The following ATXN2 variants were observed in gnomAD, a reference collection of about 807,000 sequenced individuals.
The protein encoded by ATXN2 is ataxin-2.
A neutral mutation model predicts 138.6 loss-of-function variants in ATXN2; 37 were observed. That is an observed-to-expected ratio of 0.27 (90% CI 0.21 to 0.35). The LOEUF is 0.35. Among genes scored for constraint, ATXN2 ranks in the 10% least tolerant of loss-of-function variants. The pLI, the probability that ATXN2 is intolerant of heterozygous loss-of-function variation, is 1.00. For missense variants in ATXN2, 1,216 were observed against 1,480.3 expected, an observed-to-expected ratio of 0.82 and a Z score of 2.93; for synonymous variants, 549 against 543.7, an observed-to-expected ratio of 1.01 and a Z score of -0.13.
At chr12:111,578,957 G>A (rs1323031087) in intron 1 of ATXN2, among the ~76,000 whole-genome samples, 1 of 152,132 alleles carries the variant, frequency 6.6e-6, no homozygotes, top group Admixed American at 6.6e-5. Flanking sequence ...AGGATCACTT[G>A]AGCCCAGGAG....
chr12:111,466,172 T>TA (rs11326711), intron 20 of ATXN2, among the ~76,000 whole-genome samples: 7 of 117,780 alleles, frequency 5.9e-5, no homozygotes, highest in East Asian at 2.1e-4. Flanking sequence ...TCTCAAAAAT[T>TA]AAAAAAAAAA....
At chr12:111,483,470 T>G in intron 18 of ATXN2, among the ~76,000 whole-genome samples, 1 of 145,820 alleles carries the variant, frequency 6.9e-6, no homozygotes, top group East Asian at 2.0e-4. Context: ...TTTTTTTTTT[T>G]TTTGGACGGA....
chr12:111,574,629 C>T (rs1327640076), intron 1 of ATXN2, among the ~76,000 whole-genome samples: 1 of 152,008 alleles, frequency 6.6e-6, no homozygotes, highest in Non-Finnish European at 1.5e-5. Flanking sequence ...CACTATGTTG[C>T]CTAGGCTGAT....
chr12:111,575,308 C>T (rs1883571980), intron 1 of ATXN2, among the ~76,000 whole-genome samples: 3 of 152,072 alleles, frequency 2.0e-5, no homozygotes, highest in Admixed American at 2.0e-4. Flanking sequence ...GCTTCAGCCT[C>T]GTAGTAGCTG....
chr12:111,520,206 A>C, intron 7 of ATXN2, 130 bp from the exon 8 acceptor site: 1 of 1,194,568 alleles, frequency 8.4e-7, no homozygotes, highest in Non-Finnish European at 1.1e-6. Context: ...ACTAAAACTA[A>C]AACTAAAAGT....
At position 111,470,098 on chromosome 12, in the gene ATXN2, T is replaced by G. The variant is rs1181199122; in HGVS notation, c.2842+10A>C. 5 of 1,611,832 alleles carry G rather than the reference T, an allele frequency of 3.1e-6. No homozygotes were observed. Among genetic ancestry groups the G allele is most frequent in the Non-Finnish European group, 4.2e-6 (5 of 1,178,862 alleles). On this transcript the variant is annotated intron_variant, in intron 20 of 24. Coordinates refer to ENST00000673436, the MANE Select transcript of ATXN2 (RefSeq NM_001372574.1). ...CACACACTGGAAGAGACAAACAAAG[T>G]GCTTCCTACCATACATCGCATGCGT...
chr12:111,565,306 T>A (rs1948779695), intron 1 of ATXN2, among the ~76,000 whole-genome samples: 1 of 152,178 alleles, frequency 6.6e-6, no homozygotes, highest in Admixed American at 6.5e-5. Context: ...GTCGGGCAAG[T>A]CCATTAGTGC....
At chr12:111,483,671 T>C (rs1488612890) in intron 18 of ATXN2, among the ~76,000 whole-genome samples, 1 of 151,940 alleles carries the variant, frequency 6.6e-6, no homozygotes, top group Non-Finnish European at 1.5e-5. Context: ...GATTTCCTTT[T>C]AAGAAAAATG....
chr12:111,559,978 T>C (rs1882594682), intron 1 of ATXN2, among the ~76,000 whole-genome samples: 1 of 152,110 alleles, frequency 6.6e-6, no homozygotes, highest in Non-Finnish European at 1.5e-5. Flanking sequence ...TGGAGATAAG[T>C]GCTAAATTGT....
Position 111,598,556 on chromosome 12 carries a change from G to A in ATXN2, c.251+228C>T, listed in dbSNP as rs1566090373. ...CCCTCCATCTTGACCGCCGGGGGAG[G>A]GGGCGGGGATGCTGCGGGAGGCTGG... is the stretch of plus-strand genomic sequence containing the variant. On this transcript the variant is annotated intron_variant, in intron 1 of 24. Coordinates refer to ENST00000673436, the MANE Select transcript of ATXN2 (RefSeq NM_001372574.1). This position sits in a 1 kb window ranked among gnomAD's most constrained non-coding sequence, Gnocchi z 4.5. 3 of 984,712 alleles carry A rather than the reference G, an allele frequency of 3.0e-6. No homozygotes were observed. Among genetic ancestry groups the A allele is most frequent in the Non-Finnish European group, 3.6e-6 (3 of 829,334 alleles). The allele number at this position is 984,712 out of a possible 1,614,324, so 61.0% of individuals were successfully genotyped here.
In ATXN2 at chr12:111,584,062, G is replaced by A. The variant is rs530538668; in HGVS notation, c.251+14722C>T. On this transcript the variant is annotated intron_variant, in intron 1 of 24. Coordinates refer to ENST00000673436, the MANE Select transcript of ATXN2 (RefSeq NM_001372574.1). The stretch of plus-strand genomic sequence containing the variant: ...CTGGCTCTAAAGCAGTAACTTTTTT[G>A]ACTATATCAATAAAAAATTACTTAA... 2.7e-5 allele frequency among the ~76,000 whole-genome samples: 4 copies of A among 150,342 alleles called. No homozygotes were observed. The South Asian group carries it at 6.3e-4, about 23-fold the overall frequency.
At chr12:111,565,160 C>T (rs1882924940) in intron 1 of ATXN2, among the ~76,000 whole-genome samples, 1 of 146,736 alleles carries the variant, frequency 6.8e-6, no homozygotes, top group African/African-American at 2.7e-5. Context: ...GTTGATCCAC[C>T]TACTGAAAAA....
At chr12:111,493,231 C>A (rs1449246791) in intron 14 of ATXN2, among the ~76,000 whole-genome samples, 1 of 151,930 alleles carries the variant, frequency 6.6e-6, no homozygotes, top group East Asian at 1.9e-4. Context: ...ACCAGCCTGG[C>A]AAATATGGCA....
rs1349381454 is a variant in ATXN2, at chr12:111,598,718, C to CGGCGCGG, written c.251+59_251+65dup. On this transcript the variant is annotated intron_variant, in intron 1 of 24. Coordinates refer to ENST00000673436, the MANE Select transcript of ATXN2 (RefSeq NM_001372574.1). This position sits in a 1 kb window ranked among gnomAD's most constrained non-coding sequence, Gnocchi z 4.5. ...CCGGCGGGTCACGGGGCGGGGACGGCGGCGCGGGCCGCGGGGGAGGGGACG... is the reference window on the plus strand; with the variant it reads ...CCGGCGGGTCACGGGGCGGGGACGGCGGCGCGGGGCGCGGGCCGCGGGGGAGGGGACG... 9.8e-6 allele frequency: 9 copies of CGGCGCGG among 918,776 alleles called. No homozygotes were observed. Among genetic ancestry groups the CGGCGCGG allele is most frequent in the African/African-American group, 1.8e-5 (1 of 55,188 alleles). 56.9% of individuals were successfully genotyped at this position (918,776 alleles called of 1,614,324 possible).
At chr12:111,530,107 T>C (rs980756066) in intron 5 of ATXN2, among the ~76,000 whole-genome samples, 9 of 152,220 alleles carry the variant, frequency 5.9e-5, no homozygotes, top group African/African-American at 2.2e-4. Context: ...TCATTATGTG[T>C]CATCGTTATA....
At chr12:111,487,069 G>A (rs1462877536) in intron 15 of ATXN2, among the ~76,000 whole-genome samples, 1 of 151,842 alleles carries the variant, frequency 6.6e-6, no homozygotes, top group South Asian at 2.1e-4. Context: ...CCTCTCAAAG[G>A]CAATCAAAAA....
intron 12 of ATXN2, 127 bp downstream of exon 12, chr12:111,510,256 ACT>A (rs1879425380): frequency 4.7e-6 from 5 of 1,074,136 alleles, no homozygotes; most frequent in East Asian, 4.9e-5. Context: ...ATTTACATAA[ACT>A]TTTAAATGTG....
chr12:111,504,667 A>G (rs895495546), intron 14 of ATXN2, among the ~76,000 whole-genome samples: 2 of 152,174 alleles, frequency 1.3e-5, no homozygotes, highest in African/African-American at 2.4e-5. Context: ...GAACTTACAC[A>G]GTAAAAATGG....
At chr12:111,466,458 G>A (rs1233586750) in intron 20 of ATXN2, among the ~76,000 whole-genome samples, 1 of 152,114 alleles carries the variant, frequency 6.6e-6, no homozygotes, top group South Asian at 2.1e-4. Flanking sequence ...CTGAGATCAC[G>A]CCACTGCACT....
Sources: allele counts gnomAD v4.1 joint callset (sites outside exome capture counted in the v4.1 genomes callset), GRCh38; gene constraint gnomAD v4.1.1; non-coding constraint Gnocchi (gnomAD v3.1); transcripts MANE v1.5; gene names NCBI Gene and HGNC (gene_info 2026-07-23, HGNC 2026-07-21).